Variants in PTPRD observed in about 807,000 individuals in gnomAD.
PTPRD encodes protein tyrosine phosphatase receptor type D.
A neutral mutation model predicts 214.5 loss-of-function variants in PTPRD; 34 were observed. The ratio of observed to expected loss-of-function variants is 0.16; its 90% CI spans 0.12 to 0.21. The LOEUF is 0.21. PTPRD is among the 10% of genes least tolerant of loss of function. The probability of loss-of-function intolerance (pLI) is 1.00; values close to 1 mark genes in which losing one functional copy is unlikely to be tolerated. For synonymous variants in PTPRD, 1,128 were observed against 845.7 expected, an observed-to-expected ratio of 1.33 and a Z score of -5.79; for missense variants, 2,545 against 2,398.7, an observed-to-expected ratio of 1.06 and a Z score of -1.27.
intron 3 of PTPRD, among the ~76,000 whole-genome samples, chr9:10,058,896 T>G (rs1209484754): frequency 1.3e-5 from 2 of 152,136 alleles, no homozygotes; most frequent in Non-Finnish European, 2.9e-5. Context: ...TAAAATAACC[T>G]TAACTGAGAC....
chr9:9,894,313 C>T (rs2074321637), intron 5 of PTPRD, among the ~76,000 whole-genome samples: 1 of 152,028 alleles, frequency 6.6e-6, no homozygotes, highest in South Asian at 2.1e-4. Flanking sequence ...ATACTTAAAA[C>T]CTTTTCACCT....
At position 8,595,172 on chromosome 9, in the gene PTPRD, G is replaced by GTTT. The variant is rs60646648; in HGVS notation, c.352+38142_352+38144dup. ...GCCACCACACCCAGCCCCTAAACCT[G>GTTT]TTTTTTTTTTTTTTTTATGGCAAAT... On this transcript the variant is annotated intron_variant, in intron 14 of 45. Coordinates refer to ENST00000381196, the MANE Select transcript of PTPRD (RefSeq NM_002839.4). Among the ~76,000 whole-genome samples the GTTT allele has an allele frequency of 1.4e-3, 182 of 131,610 alleles. 1 individual carries two copies. The highest frequency in any genetic ancestry group is 4.4e-3 in the African/African-American group (169 of 38,152). The allele number at this position is 131,610 out of a possible 152,430, so 86.3% of individuals were successfully genotyped here.
intron 11 of PTPRD, among the ~76,000 whole-genome samples, chr9:8,753,820 G>A (rs1252985338): frequency 6.6e-6 from 1 of 152,076 alleles, no homozygotes; most frequent in African/African-American, 2.4e-5. Flanking sequence ...TAAATAAATG[G>A]ATGATTATAG....
intron 3 of PTPRD, among the ~76,000 whole-genome samples, chr9:10,091,162 T>C (rs1156253584): frequency 2.0e-5 from 3 of 151,492 alleles, no homozygotes; most frequent in Non-Finnish European, 4.4e-5. Flanking sequence ...AGATTTGAAC[T>C]GGAATTTAGA....
chr9:8,957,908 AT>A (rs761173330), intron 11 of PTPRD, among the ~76,000 whole-genome samples: 32 of 151,904 alleles, frequency 2.1e-4, no homozygotes, highest in Middle Eastern at 3.4e-3. Flanking sequence ...GAAAAAAAAA[AT>A]ATCATTCTCA....
intron 2 of PTPRD, among the ~76,000 whole-genome samples, chr9:10,396,005 G>C (rs1431652848): frequency 1.3e-5 from 2 of 151,114 alleles, no homozygotes; most frequent in African/African-American, 4.8e-5. Context: ...GCGAGAGACA[G>C]AAGGAGAAAG....
intron 35 of PTPRD, among the ~76,000 whole-genome samples, chr9:8,412,730 G>C (rs955230766): frequency 6.6e-6 from 1 of 152,130 alleles, no homozygotes; most frequent in African/African-American, 2.4e-5. Context: ...TGATACTGAA[G>C]TATAAAACTG....
Position 9,718,340 on chromosome 9 carries a change from G to A in PTPRD, c.-287+16193C>T, listed in dbSNP as rs538405596. On this transcript the variant is annotated intron_variant, in intron 7 of 45. Transcript: ENST00000381196. ...ATTGAAGTAAAAAATAAACACTGACGGCTGCAGAAGCCCATCTAGAGTGGC... is the reference window on the plus strand; with the variant it reads ...ATTGAAGTAAAAAATAAACACTGACAGCTGCAGAAGCCCATCTAGAGTGGC... Among the ~76,000 whole-genome samples the A allele has an allele frequency of 5.3e-4, 81 of 152,274 alleles. 1 individual carries two copies. The highest frequency in any genetic ancestry group is 6.5e-4 in the African/African-American group (27 of 41,560).
chr9:10,201,383 G>T (rs1376701354), intron 3 of PTPRD, among the ~76,000 whole-genome samples: 1 of 151,926 alleles, frequency 6.6e-6, no homozygotes, highest in Non-Finnish European at 1.5e-5. Flanking sequence ...ATGTAAATTG[G>T]CATACTTAAA....
intron 2 of PTPRD, among the ~76,000 whole-genome samples, chr9:10,448,765 C>A (rs1167459158): frequency 6.6e-6 from 1 of 151,986 alleles, no homozygotes; most frequent in East Asian, 1.9e-4. Context: ...GTTCTCCCAG[C>A]CCAATGCTCT....
At chr9:9,357,965 A>G (rs965983149) in intron 9 of PTPRD, among the ~76,000 whole-genome samples, 4 of 151,242 alleles carry the variant, frequency 2.6e-5, no homozygotes, top group Admixed American at 6.6e-5. Flanking sequence ...TTCCAAAGAG[A>G]GAAACTATTT....
chr9:9,976,851 C>T (rs2095374470), intron 4 of PTPRD, among the ~76,000 whole-genome samples: 1 of 151,726 alleles, frequency 6.6e-6, no homozygotes, highest in Admixed American at 6.6e-5. Context: ...TAAATAATAA[C>T]AAGTTAAATT....
chr9:9,187,000 T>A (rs2099932046), intron 9 of PTPRD, among the ~76,000 whole-genome samples: 1 of 151,640 alleles, frequency 6.6e-6, no homozygotes, highest in South Asian at 2.1e-4. Flanking sequence ...TTATATAAAA[T>A]ATAATAATTA....
intron 6 of PTPRD, among the ~76,000 whole-genome samples, chr9:9,754,882 T>C (rs976751000): frequency 1.3e-5 from 2 of 152,064 alleles, no homozygotes; most frequent in African/African-American, 2.4e-5. Context: ...GAATTACCAA[T>C]GCTTTTAGAA....
At chr9:9,104,199 A>G (rs1353167071) in intron 10 of PTPRD, among the ~76,000 whole-genome samples, 1 of 152,186 alleles carries the variant, frequency 6.6e-6, no homozygotes, top group African/African-American at 2.4e-5. Flanking sequence ...TTGTGGCATC[A>G]AAGCATTCAG....
chr9:9,439,751 G>A (rs117993282), intron 8 of PTPRD, among the ~76,000 whole-genome samples: 2 of 152,264 alleles, frequency 1.3e-5, no homozygotes, highest in East Asian at 3.9e-4. Context: ...AAGACGAAGA[G>A]CATTAATGGT....
At chr9:9,019,352 G>GAAAGAAAGAAAT (rs1289712798) in intron 10 of PTPRD, among the ~76,000 whole-genome samples, 2 of 132,940 alleles carry the variant, frequency 1.5e-5, no homozygotes, top group Non-Finnish European at 3.3e-5. Context: ...AAGAAAGAAA[G>GAAAGAAAGAAAT]AAAGAAAGAA....
intron 3 of PTPRD, among the ~76,000 whole-genome samples, chr9:10,046,934 C>A (rs2097409523): frequency 6.6e-6 from 1 of 151,856 alleles, no homozygotes; most frequent in Admixed American, 6.6e-5. Flanking sequence ...TTACAGACAT[C>A]CAAAGTGAAA....
chr9:9,998,464 C>T (rs79455334), intron 4 of PTPRD, among the ~76,000 whole-genome samples: 3,461 of 151,994 alleles, frequency 0.023, 66 homozygotes, highest in Middle Eastern at 0.088. Flanking sequence ...ATAGCATGAC[C>T]TTAAGGGGCA....
Sources: allele counts gnomAD v4.1 joint callset (sites outside exome capture counted in the v4.1 genomes callset), GRCh38; gene constraint gnomAD v4.1.1; transcripts MANE v1.5; gene names NCBI Gene and HGNC (gene_info 2026-07-23, HGNC 2026-07-21).